ITPKB: variants seen among roughly 807,000 people sequenced by gnomAD.
ITPKB encodes the protein IP3 3-kinase B.
ITPKB carries 13 observed loss-of-function variants against 69.4 expected under a neutral mutation model. The observed-to-expected ratio is 0.19, with a 90% CI of 0.12 to 0.30. The LOEUF (loss-of-function observed/expected upper bound fraction) is 0.30. Among genes scored for constraint, ITPKB ranks in the 10% least tolerant of loss-of-function variants. ITPKB has a pLI of 1.00. For synonymous variants in ITPKB, 584 were observed against 513.7 expected (o/e 1.14, Z -1.85); for missense variants, 1,240 against 1,250.5 (o/e 0.99, Z 0.13).
intron 2 of ITPKB, among the ~76,000 whole-genome samples, chr1:226,666,426 T>C (rs919821110): frequency 2.6e-5 from 4 of 152,176 alleles, no homozygotes; most frequent in African/African-American, 9.7e-5. Flanking sequence ...CATGGCTCCC[T>C]GGTGTCCAGG....
intron 2 of ITPKB, among the ~76,000 whole-genome samples, chr1:226,711,573 C>T (rs1656961600): frequency 6.6e-6 from 1 of 151,974 alleles, no homozygotes; most frequent in South Asian, 2.1e-4. Context: ...ATCGTCCGAC[C>T]GAAAATGACA....
chr1:226,672,519 G>T (rs1178190657), intron 2 of ITPKB, among the ~76,000 whole-genome samples: 1 of 152,202 alleles, frequency 6.6e-6, no homozygotes, highest in Non-Finnish European at 1.5e-5. Flanking sequence ...AAGGCAACTT[G>T]GAAGTGTGTC....
At chr1:226,680,855 T>C (rs1656070489) in intron 2 of ITPKB, among the ~76,000 whole-genome samples, 1 of 152,132 alleles carries the variant, frequency 6.6e-6, no homozygotes, top group Admixed American at 6.5e-5. Context: ...CGGGAAAATG[T>C]TCAGCCCCAT....
chr1:226,655,072 GGAGGAGGGGAGGAGGAA>G (rs1270772004), intron 2 of ITPKB, among the ~76,000 whole-genome samples: 1 of 151,526 alleles, frequency 6.6e-6, no homozygotes, highest in Non-Finnish European at 1.5e-5. Context: ...GAGGAGGTGG[GGAGGAGGGGAGGAGGAA>G]GAGGAGGGCA....
intron 2 of ITPKB, among the ~76,000 whole-genome samples, chr1:226,706,228 A>G (rs1342053139): frequency 6.6e-6 from 1 of 152,280 alleles, no homozygotes; most frequent in Non-Finnish European, 1.5e-5. Context: ...GTGGTACCAC[A>G]AGTTGAACTC....
chr1:226,709,034 T>C (rs61835630), intron 2 of ITPKB, among the ~76,000 whole-genome samples: 10,269 of 152,132 alleles, frequency 0.068, 472 homozygotes, highest in Middle Eastern at 0.13. Context: ...AGCAAGCAGG[T>C]GGCAGCAGTG....
chr1:226,648,792 A>G, intron 2 of ITPKB, 21 bp from the exon 3 acceptor site: 2 of 1,480,302 alleles, frequency 1.4e-6, no homozygotes, highest in Non-Finnish European at 1.9e-6. Flanking sequence ...ACAAACAAAA[A>G]GCTCTACATT....
At chr1:226,720,083 C>T (rs1024266398) in intron 2 of ITPKB, among the ~76,000 whole-genome samples, 7 of 152,214 alleles carry the variant, frequency 4.6e-5, no homozygotes, top group Non-Finnish European at 8.8e-5. Context: ...GCTGCAGTTG[C>T]ATCTATTACA....
In ITPKB at chr1:226,641,347, A is replaced by G. The variant is rs1668957550; in HGVS notation, c.2451+574T>C. The stretch of plus-strand genomic sequence containing the variant: ...AGCCATCATTTTGTAAACCACAAAC[A>G]CAAAGTAAATATATTAATTAGGGGA... On this transcript the variant is annotated intron_variant, in intron 5 of 7. Transcript: ENST00000429204. The surrounding 1 kb of genome is among the most constrained non-coding windows in gnomAD (Gnocchi z 4.6). 6.6e-6 allele frequency among the ~76,000 whole-genome samples: 1 copy of G among 151,450 alleles called. No individual in the cohort carries two copies. The highest frequency in any genetic ancestry group is 2.1e-4 in the South Asian group (1 of 4,750).
chr1:226,648,501 C>T (rs1669107679), intron 3 of ITPKB, among the ~76,000 whole-genome samples, 171 bp downstream of exon 3: 1 of 152,164 alleles, frequency 6.6e-6, no homozygotes, highest in Non-Finnish European at 1.5e-5. Context: ...TTGTCTATGG[C>T]ATTTACAAGG....
intron 2 of ITPKB, among the ~76,000 whole-genome samples, chr1:226,695,985 C>A (rs542416027): frequency 9.9e-5 from 15 of 152,182 alleles, no homozygotes; most frequent in Non-Finnish European, 2.1e-4. Flanking sequence ...AGACTAATTA[C>A]TCCCAGCCCT....
intron 2 of ITPKB, among the ~76,000 whole-genome samples, chr1:226,695,328 A>C (rs1656452371): frequency 6.6e-6 from 1 of 152,246 alleles, no homozygotes; most frequent in Admixed American, 6.5e-5. Context: ...CTTGATTGAC[A>C]TTCTAGGCCA....
At chr1:226,663,774 T>C (rs1669443703) in intron 2 of ITPKB, among the ~76,000 whole-genome samples, 2 of 152,146 alleles carry the variant, frequency 1.3e-5, no homozygotes, top group Non-Finnish European at 2.9e-5. Flanking sequence ...AAAGAAGTGA[T>C]CCACCCCCCA....
chr1:226,659,702 A>G (rs963666960), intron 2 of ITPKB: 1 of 149,774 alleles, frequency 6.7e-6, no homozygotes, highest in African/African-American at 2.4e-5. Context: ...AGAGCTTCCC[A>G]GCAGGGCACC....
At chr1:226,679,345 G>C (rs1007681348) in intron 2 of ITPKB, among the ~76,000 whole-genome samples, 5 of 152,138 alleles carry the variant, frequency 3.3e-5, no homozygotes, top group Non-Finnish European at 7.4e-5. Flanking sequence ...CCATGCTCCT[G>C]GAGTTTTGGG....
chr1:226,643,570 T>C (rs950677052), intron 4 of ITPKB, among the ~76,000 whole-genome samples: 2 of 152,218 alleles, frequency 1.3e-5, no homozygotes, highest in African/African-American at 4.8e-5. Context: ...TCCAAGTTGC[T>C]GGTTTGGGAC....
intron 2 of ITPKB, chr1:226,707,184 T>C (rs1358002044): frequency 1.7e-6 from 1 of 571,644 alleles, no homozygotes; most frequent in Non-Finnish European, 2.2e-6. Context: ...GTACAATCTT[T>C]TTTTATTTTT....
intron 2 of ITPKB, among the ~76,000 whole-genome samples, chr1:226,703,175 A>T (rs187465473): frequency 1.5e-4 from 23 of 152,326 alleles, no homozygotes; most frequent in Non-Finnish European, 2.5e-4. Context: ...GGAAAAAAAA[A>T]GTGCAAGATA....
At chr1:226,733,026 C>T (rs186855399) in intron 2 of ITPKB, among the ~76,000 whole-genome samples, 1 of 152,272 alleles carries the variant, frequency 6.6e-6, no homozygotes, top group East Asian at 1.9e-4. Flanking sequence ...GAAACAATCT[C>T]AGTGTCTAGT....
Sources: gnomAD v4.1 joint callset for allele counts (sites outside exome capture counted in the v4.1 genomes callset) on GRCh38, gnomAD v4.1.1 for gene constraint, Gnocchi (gnomAD v3.1) non-coding constraint, MANE v1.5 for transcripts, NCBI Gene and HGNC (gene_info 2026-07-23, HGNC 2026-07-21) for gene names.